The following DUSP22 variants were observed in gnomAD, a reference collection of about 807,000 sequenced individuals.
The protein encoded by DUSP22 is dual specificity protein phosphatase 22.
A neutral mutation model predicts 24.5 loss-of-function variants in DUSP22; 24 were observed. The ratio of observed to expected loss-of-function variants is 0.98; its 90% CI spans 0.71 to 1.38. The LOEUF is 1.38. DUSP22 is among the 40% of genes most tolerant of loss of function. The pLI, the probability that DUSP22 is intolerant of heterozygous loss-of-function variation, is 0.00. For synonymous variants in DUSP22, 160 were observed against 106.4 expected (o/e 1.50, Z -3.10); for missense variants, 330 against 269.2 (o/e 1.23, Z -1.58).
In DUSP22 at chr6:349,186, T is replaced by G; in HGVS notation, c.*235T>G. ...GCCCCTGGGGATGTTGCCCAGTGGC[T>G]GTGCACTGCTCTGTGCACGTGCGTG... On this transcript the variant is annotated 3_prime_UTR_variant, in exon 7 of 7. Transcript: ENST00000419235. 2 of 1,424,280 alleles carry G rather than the reference T, an allele frequency of 1.4e-6. No individual in the cohort carries two copies. Among genetic ancestry groups the G allele is most frequent in the Non-Finnish European group, 1.8e-6 (2 of 1,093,534 alleles). The allele number at this position is 1,424,280 out of a possible 1,614,324, so 88.2% of individuals were successfully genotyped here. A position where few individuals can be genotyped will look rare whatever the true frequency, so the allele number is the denominator to read the frequency against.
chr6:303,110 A>T (rs1295188598), intron 1 of DUSP22, among the ~76,000 whole-genome samples: 1 of 152,302 alleles, frequency 6.6e-6, no homozygotes, highest in East Asian at 1.9e-4. Flanking sequence ...TCTAGTGTCT[A>T]CTGCCACATC....
intron 3 of DUSP22, among the ~76,000 whole-genome samples, chr6:323,400 C>A (rs143287079): frequency 6.6e-6 from 1 of 152,308 alleles, no homozygotes; most frequent in Admixed American, 6.5e-5. Flanking sequence ...CTCTGGCCTT[C>A]TTTTCCCATG....
At chr6:335,423 A>T (rs1759318907) in intron 4 of DUSP22, among the ~76,000 whole-genome samples, 1 of 152,308 alleles carries the variant, frequency 6.6e-6, no homozygotes, top group South Asian at 2.1e-4. Flanking sequence ...TCTGATGTTT[A>T]CAAAGGATAC....
Position 341,155 on chromosome 6 carries a change from C to T in DUSP22, c.189-4699C>T, listed in dbSNP as rs575235220. On this transcript the variant is annotated intron_variant, in intron 4 of 6. Transcript: ENST00000419235. ...GGAGCGGGCATGATAGCCCCGGGCGCTGTTTGGTGAGTTTCTAACGCAAGC... is the reference window on the plus strand; with the variant it reads ...GGAGCGGGCATGATAGCCCCGGGCGTTGTTTGGTGAGTTTCTAACGCAAGC... 5.3e-4 allele frequency among the ~76,000 whole-genome samples: 80 copies of T among 152,368 alleles called. No homozygotes were observed. In the East Asian group the frequency reaches 6.8e-3, roughly 13 times the overall value.
rs537327969 is a variant in DUSP22 at position 340,134 on chromosome 6, G to A, written c.188+4971G>A. ...AGTGGTAGAGAGGCCCTTTGTTTTA[G>A]TTTGCTTTTAAAAAGCCCTTATCTG... On this transcript the variant is annotated intron_variant, in intron 4 of 6. Coordinates refer to ENST00000419235, the MANE Select transcript of DUSP22 (RefSeq NM_001286555.3). 9.2e-5 allele frequency among the ~76,000 whole-genome samples: 14 copies of A among 152,412 alleles called. No individual in the cohort carries two copies. The East Asian group carries it at 1.7e-3, about 19-fold the overall frequency.
intron 3 of DUSP22, among the ~76,000 whole-genome samples, chr6:323,194 CCT>C (rs1271883567): frequency 6.6e-6 from 1 of 152,286 alleles, no homozygotes; most frequent in African/African-American, 2.4e-5. Context: ...AATGTGTTCC[CCT>C]CTGTGTGGCC....
chr6:298,700 C>T (rs11757381), intron 1 of DUSP22, among the ~76,000 whole-genome samples: 13,837 of 148,354 alleles, frequency 0.093, 63 homozygotes, highest in Non-Finnish European at 0.14. Flanking sequence ...TATGCCCAGA[C>T]GGTCTTGTAA....
At chr6:333,652 G>A (rs183265037) in intron 3 of DUSP22, among the ~76,000 whole-genome samples, 242 of 152,324 alleles carry the variant, frequency 1.6e-3, no homozygotes, top group African/African-American at 5.3e-3. Flanking sequence ...TGGAGAACAG[G>A]TTTTAGGCTG....
intron 3 of DUSP22, among the ~76,000 whole-genome samples, chr6:318,288 C>T (rs376599254): frequency 3.5e-3 from 527 of 152,214 alleles, no homozygotes; most frequent in African/African-American, 0.012. Flanking sequence ...GAGGATTTGC[C>T]ATGGTCAAGC....
intron 2 of DUSP22, among the ~76,000 whole-genome samples, chr6:310,712 CATT>C (rs1487100103): frequency 1.5e-4 from 23 of 152,404 alleles, no homozygotes; most frequent in Admixed American, 1.4e-3. Flanking sequence ...GAATTCTCAT[CATT>C]AAGAGGCCAT....
At chr6:318,070 G>A (rs7768207) in intron 3 of DUSP22, among the ~76,000 whole-genome samples, 5,233 of 150,490 alleles carry the variant, frequency 0.035, no homozygotes, top group African/African-American at 0.11. Flanking sequence ...AGTAAGCAGC[G>A]GTGCCTGTGG....
intron 1 of DUSP22, 121 bp downstream of exon 1, chr6:292,681 G>A (rs1291158875): frequency 7.4e-7 from 1 of 1,355,492 alleles, no homozygotes; most frequent in Non-Finnish European, 9.6e-7. Context: ...GGACGGGCGC[G>A]GAGGGAGGGG....
intron 1 of DUSP22, among the ~76,000 whole-genome samples, chr6:295,631 C>A (rs962081883): frequency 2.0e-5 from 3 of 149,658 alleles, no homozygotes; most frequent in Non-Finnish European, 4.4e-5. Flanking sequence ...AAAAAAAAAA[C>A]CCACAAAAAC....
intron 1 of DUSP22, among the ~76,000 whole-genome samples, chr6:299,265 G>T (rs982202497): frequency 2.0e-5 from 3 of 152,300 alleles, no homozygotes; most frequent in Admixed American, 1.3e-4. Context: ...CAGCCAGGTT[G>T]TTGCAGATAA....
chr6:300,957 G>C (rs1212228311), intron 1 of DUSP22, among the ~76,000 whole-genome samples: 2 of 152,310 alleles, frequency 1.3e-5, no homozygotes, highest in Non-Finnish European at 2.9e-5. Flanking sequence ...TGATGCTACA[G>C]CCAGTGGACA....
chr6:345,934 T>TGTG lies in DUSP22; in HGVS notation c.263+7_263+9dup. 1 of 1,614,154 alleles carries TGTG rather than the reference T, an allele frequency of 6.2e-7. No individual in the cohort carries two copies. The highest frequency in any genetic ancestry group is 8.5e-7 in the Non-Finnish European group (1 of 1,179,968). Reference sequence around the variant, plus strand: ...GAGAGCTGCCTTGTACACTGGTACGTGTGTCTCTTGCTTAATAGCGCCTTA... The same window carrying TGTG: ...GAGAGCTGCCTTGTACACTGGTACGTGTGGTGTCTCTTGCTTAATAGCGCCTTA... On this transcript the variant is annotated splice_region_variant and intron_variant, in intron 5 of 6. Coordinates refer to ENST00000419235, the MANE Select transcript of DUSP22 (RefSeq NM_001286555.3).
intron 3 of DUSP22, chr6:325,712 G>C (rs545244985): frequency 6.2e-5 from 14 of 227,512 alleles, no homozygotes; most frequent in African/African-American, 1.8e-4. Flanking sequence ...CTGGGCTTCC[G>C]CATCCTCGTG....
intron 3 of DUSP22, among the ~76,000 whole-genome samples, chr6:322,598 G>A (rs1159940434): frequency 2.0e-5 from 3 of 152,306 alleles, no homozygotes; most frequent in East Asian, 1.9e-4. Context: ...GCTTTCAGAG[G>A]AGATGCAATT....
At chr6:295,879 G>T (rs1323699448) in intron 1 of DUSP22, among the ~76,000 whole-genome samples, 3 of 152,012 alleles carry the variant, frequency 2.0e-5, no homozygotes, top group East Asian at 1.9e-4. Flanking sequence ...TCAGCCTCAC[G>T]GTAGCCCTAT....
Sources: allele counts gnomAD v4.1 joint callset (sites outside exome capture counted in the v4.1 genomes callset), GRCh38; gene constraint gnomAD v4.1.1; transcripts MANE v1.5; gene names NCBI Gene and HGNC (gene_info 2026-07-23, HGNC 2026-07-21).